Variants in TRPM3 observed in about 807,000 individuals in gnomAD.
TRPM3 encodes long transient receptor potential channel 3.
In TRPM3, 77 loss-of-function variants were observed where a neutral mutation model predicts 181.2. The observed-to-expected ratio is 0.42, with a 90% CI of 0.35 to 0.51. The LOEUF is 0.51. TRPM3 is among the 20% of genes least tolerant of loss of function. The pLI is 0.01. For synonymous variants in TRPM3, 745 were observed against 796.4 expected, an observed-to-expected ratio of 0.94 and a Z score of 1.09; for missense variants, 1,759 against 2,196.7, an observed-to-expected ratio of 0.80 and a Z score of 3.98.
intron 1 of TRPM3, among the ~76,000 whole-genome samples, chr9:71,088,250 C>T (rs73480139): frequency 0.032 from 4,940 of 152,056 alleles, 284 homozygotes; most frequent in African/African-American, 0.11. Context: ...TGATTATACC[C>T]GAAACGAGAA....
rs2069619705 is a variant in TRPM3 at position 70,694,511 on chromosome 9, T to C, written c.1273-12933A>G. 3.3e-5 allele frequency among the ~76,000 whole-genome samples: 5 copies of C among 152,272 alleles called. No individual in the cohort carries two copies. In the South Asian group the frequency reaches 1.0e-3, roughly 32 times the overall value. ...AATCTTTTTTTTTGAGACGGAGTCT[T>C]GCTCTTTCACCCAGGCTGGAGCACA... On this transcript the variant is annotated intron_variant, in intron 8 of 25. Coordinates refer to ENST00000677713, the MANE Select transcript of TRPM3 (RefSeq NM_001366145.2).
In TRPM3 at chr9:71,364,782, T is replaced by C. The variant is rs922472506; in HGVS notation, c.183+81871A>G. 3.3e-5 allele frequency among the ~76,000 whole-genome samples: 5 copies of C among 152,326 alleles called. No individual in the cohort carries two copies. In the Middle Eastern group the frequency reaches 0.01, roughly 311 times the overall value. On this transcript the variant is annotated intron_variant, in intron 1 of 24. Coordinates refer to the TRPM3 transcript ENST00000357533. ...AAGTGACCCAGGGCACTGAAAGTAA[T>C]GACAGAGAAGTCTACAATTAAGCAA...
intron 9 of TRPM3, among the ~76,000 whole-genome samples, chr9:70,664,327 AG>A (rs2061516201): frequency 6.6e-6 from 1 of 152,216 alleles, no homozygotes; most frequent in Non-Finnish European, 1.5e-5. Flanking sequence ...ATTGCTGATC[AG>A]TATTAGAAAT....
chr9:70,822,194 T>G (rs1294518038), intron 6 of TRPM3, among the ~76,000 whole-genome samples: 1 of 152,244 alleles, frequency 6.6e-6, no homozygotes, highest in Non-Finnish European at 1.5e-5. Context: ...GTTCTTCATT[T>G]GTGCATGTTC....
chr9:71,159,105 T>TAGAGAG (rs140356660), intron 1 of TRPM3, among the ~76,000 whole-genome samples: 9,087 of 144,012 alleles, frequency 0.063, 389 homozygotes, highest in African/African-American at 0.11. Context: ...TATATATATT[T>TAGAGAG]AGAGAGAGAG....
At chr9:71,369,673 C>T (rs1386210411) in intron 1 of TRPM3, among the ~76,000 whole-genome samples, 1 of 152,122 alleles carries the variant, frequency 6.6e-6, no homozygotes, top group African/African-American at 2.4e-5. Context: ...TGAGACACCG[C>T]GCCCGGCCGG....
intron 1 of TRPM3, among the ~76,000 whole-genome samples, chr9:71,117,615 G>A (rs1490359231): frequency 6.6e-6 from 1 of 151,972 alleles, no homozygotes; most frequent in Non-Finnish European, 1.5e-5. Flanking sequence ...ATTTGCCCAA[G>A]GTCACACAGC....
At chr9:71,353,305 G>T (rs2091744141) in intron 1 of TRPM3, among the ~76,000 whole-genome samples, 1 of 152,140 alleles carries the variant, frequency 6.6e-6, no homozygotes, top group Admixed American at 6.5e-5. Context: ...GGCAGGAACT[G>T]GACTTCCCTT....
chr9:70,972,517 T>C (rs1254435081), intron 1 of TRPM3, among the ~76,000 whole-genome samples: 1 of 152,180 alleles, frequency 6.6e-6, no homozygotes. Flanking sequence ...AGTTTCTTTT[T>C]GAAAGAATGA....
chr9:70,992,103 T>G (rs769888977), intron 1 of TRPM3, among the ~76,000 whole-genome samples: 20 of 152,196 alleles, frequency 1.3e-4, no homozygotes, highest in Non-Finnish European at 2.4e-4. Context: ...GTCACAGTTA[T>G]GCATTTACAA....
intron 1 of TRPM3, among the ~76,000 whole-genome samples, chr9:71,287,001 A>T (rs1403246788): frequency 3.5e-5 from 5 of 141,028 alleles, no homozygotes; most frequent in Non-Finnish European, 7.6e-5. Context: ...ATATTATATA[A>T]TATACAACAT....
intron 1 of TRPM3, among the ~76,000 whole-genome samples, chr9:71,241,964 T>C (rs1288192201): frequency 6.6e-6 from 1 of 152,268 alleles, no homozygotes. Flanking sequence ...GCAATGGTCA[T>C]TGTGCCAGTG....
At chr9:70,987,684 T>A (rs1172665242) in intron 1 of TRPM3, among the ~76,000 whole-genome samples, 1 of 152,142 alleles carries the variant, frequency 6.6e-6, no homozygotes, top group Non-Finnish European at 1.5e-5. Context: ...TATAAGATAT[T>A]GTTAATCTAG....
chr9:71,044,695 G>A (rs1438013551), intron 1 of TRPM3, among the ~76,000 whole-genome samples: 1 of 151,966 alleles, frequency 6.6e-6, no homozygotes, highest in Admixed American at 6.6e-5. Flanking sequence ...TTTTTGAGAC[G>A]GAGTCTCACT....
At chr9:71,354,866 G>C (rs777290827) in intron 1 of TRPM3, among the ~76,000 whole-genome samples, 10 of 152,198 alleles carry the variant, frequency 6.6e-5, no homozygotes, top group African/African-American at 1.2e-4. Flanking sequence ...AGGTGGCAAA[G>C]GTAAGTAGAG....
At chr9:70,593,094 T>TTAGGACACTGGGGTCTAATCA (rs2058413892) in intron 21 of TRPM3, among the ~76,000 whole-genome samples, 1 of 152,190 alleles carries the variant, frequency 6.6e-6, no homozygotes, top group African/African-American at 2.4e-5. Flanking sequence ...CTTGTATGCC[T>TTAGGACACTGGGGTCTAATCA]TAGGACACTG....
intron 9 of TRPM3, among the ~76,000 whole-genome samples, chr9:70,667,909 G>A (rs1250744643): frequency 5.3e-5 from 8 of 152,176 alleles, no homozygotes; most frequent in Admixed American, 3.9e-4. Flanking sequence ...AGGATAGTTA[G>A]TCTTCCAGTG....
At chr9:70,665,889 C>G (rs545281403) in intron 9 of TRPM3, among the ~76,000 whole-genome samples, 2 of 152,276 alleles carry the variant, frequency 1.3e-5, no homozygotes, top group African/African-American at 2.4e-5. Flanking sequence ...CATTCTGTCT[C>G]TTTGAGTTCT....
At chr9:70,771,977 A>G (rs1365974513) in intron 7 of TRPM3, among the ~76,000 whole-genome samples, 28 of 152,328 alleles carry the variant, frequency 1.8e-4, no homozygotes, top group Admixed American at 1.8e-3. Flanking sequence ...AGTGCCTAGA[A>G]TAGTGCCTGG....
Sources: gnomAD v4.1 joint callset for allele counts (sites outside exome capture counted in the v4.1 genomes callset) on GRCh38, gnomAD v4.1.1 for gene constraint, MANE v1.5 for transcripts, NCBI Gene and HGNC (gene_info 2026-07-23, HGNC 2026-07-21) for gene names.